Variants in FASTKD1 observed in about 807,000 individuals in gnomAD.
FASTKD1 encodes FAST kinase domains 1.
FASTKD1 carries 94 observed loss-of-function variants against 90.9 expected under a neutral mutation model. The ratio of observed to expected loss-of-function variants is 1.03; its 90% CI spans 0.88 to 1.23. The LOEUF (loss-of-function observed/expected upper bound fraction) is 1.23. FASTKD1 is among the 50% of genes most tolerant of loss of function. The pLI is 0.00. For missense variants in FASTKD1, 945 were observed against 993.5 expected, an observed-to-expected ratio of 0.95 and a Z score of 0.66; for synonymous variants, 319 against 345.8, an observed-to-expected ratio of 0.92 and a Z score of 0.86.
intron 8 of FASTKD1, among the ~76,000 whole-genome samples, chr2:169,545,962 C>T (rs761986037): frequency 8.5e-5 from 13 of 152,068 alleles, no homozygotes; most frequent in Non-Finnish European, 1.6e-4. Context: ...GAGACAGGGT[C>T]TCACTCTGTC....
chr2:169,559,670 G>A (rs1281661811), intron 5 of FASTKD1, among the ~76,000 whole-genome samples: 1 of 152,188 alleles, frequency 6.6e-6, no homozygotes, highest in Non-Finnish European at 1.5e-5. Flanking sequence ...CACCTGCCTC[G>A]GCCTCCCAAA....
chr2:169,557,775 T>C (rs1272721820), intron 5 of FASTKD1, among the ~76,000 whole-genome samples: 2 of 152,164 alleles, frequency 1.3e-5, no homozygotes, highest in African/African-American at 4.8e-5. Flanking sequence ...AAACTGAAAA[T>C]TAACAAAGCT....
chr2:169,561,996 T>A (rs985413740), intron 4 of FASTKD1, among the ~76,000 whole-genome samples: 1 of 121,574 alleles, frequency 8.2e-6, no homozygotes, highest in Non-Finnish European at 1.6e-5. Flanking sequence ...TATTGTAAAT[T>A]AATTATTCAT....
intron 9 of FASTKD1, among the ~76,000 whole-genome samples, chr2:169,544,318 C>A (rs924616716): frequency 1.3e-5 from 2 of 152,056 alleles, no homozygotes; most frequent in Non-Finnish European, 2.9e-5. Context: ...ACCTGTAATC[C>A]CAACACTTTG....
rs143619613 is a variant in FASTKD1 at position 169,568,285 on chromosome 2, C to T, written c.446+899G>A. 3.3e-5 allele frequency among the ~76,000 whole-genome samples: 5 copies of T among 152,118 alleles called. No homozygotes were observed. In the East Asian group the frequency reaches 9.6e-4, roughly 29 times the overall value. On this transcript the variant is annotated intron_variant, in intron 3 of 14. Transcript: ENST00000453153. ...ACTAGGGTCTCTTTTTTTCTCCTTTCCTGGCTCCTGCACTTCTAGGTTTTT... is the reference window on the plus strand; with the variant it reads ...ACTAGGGTCTCTTTTTTTCTCCTTTTCTGGCTCCTGCACTTCTAGGTTTTT...
Position 169,529,293 on chromosome 2 carries a change from G to T in FASTKD1, c.*532C>A, listed in dbSNP as rs1302959319. On this transcript the variant is annotated 3_prime_UTR_variant, in exon 15 of 15. Coordinates refer to ENST00000453153, the MANE Select transcript of FASTKD1 (RefSeq NM_024622.6). ...AGGACAAAAACTTAGAATTATCCTT[G>T]ACTCCTATTTGTCTCATACCTCATA... Among the ~76,000 whole-genome samples, 1 of 151,170 alleles carries T rather than the reference G, an allele frequency of 6.6e-6. No individual in the cohort carries two copies. The highest frequency in any genetic ancestry group is 2.4e-5 in the African/African-American group (1 of 41,046).
rs1046547873 is a variant in FASTKD1 at position 169,555,175 on chromosome 2, A to G, written c.1163T>C (p.Leu388Pro). Reference protein sequence around the residue: ...LLKITQELTFLHFQRKEFFAK... With the variant: ...LLKITQELTFPHFQRKEFFAK... Reference sequence around the variant, plus strand: ...AAAAAACTCCTTCCTTTGGAAATGCAGAAAAGTTAATTCTTGAGTTATCTT... The same window carrying G: ...AAAAAACTCCTTCCTTTGGAAATGCGGAAAAGTTAATTCTTGAGTTATCTT... Residue 388 changes from leucine to proline, a missense_variant, in exon 7 of 15, where the codon CTG becomes CCG. Coordinates refer to ENST00000453153, the MANE Select transcript of FASTKD1 (RefSeq NM_024622.6). The G allele has an allele frequency of 2.5e-6, 4 of 1,612,900 alleles. No individual in the cohort carries two copies. Among genetic ancestry groups the G allele is most frequent in the Non-Finnish European group, 3.4e-6 (4 of 1,179,472 alleles).
At chr2:169,559,182 T>G (rs947703320) in intron 5 of FASTKD1, among the ~76,000 whole-genome samples, 5 of 151,196 alleles carry the variant, frequency 3.3e-5, no homozygotes, top group African/African-American at 4.9e-5. Context: ...CATGTTGGTC[T>G]GGGTGGTCTT....
intron 10 of FASTKD1, 128 bp from the exon 11 acceptor site, chr2:169,538,269 C>T (rs1684812635): frequency 1.3e-6 from 1 of 757,576 alleles, no homozygotes. Context: ...GAACTGTTTA[C>T]ATTTCTAATT....
At chr2:169,534,523 G>A (rs1474480238) in intron 12 of FASTKD1, among the ~76,000 whole-genome samples, 6 of 141,260 alleles carry the variant, frequency 4.2e-5, no homozygotes, top group South Asian at 2.3e-4. Context: ...GCAGTGGCAC[G>A]ATCCCGGCTC....
At chr2:169,569,143 A>G in intron 3 of FASTKD1, 41 bp downstream of exon 3, 1 of 1,549,472 alleles carries the variant, frequency 6.5e-7, no homozygotes. Flanking sequence ...TAACCCTGAA[A>G]AGAATAACCC....
intron 2 of FASTKD1, among the ~76,000 whole-genome samples, chr2:169,569,506 T>C (rs1333376881): frequency 6.6e-6 from 1 of 152,208 alleles, no homozygotes; most frequent in Non-Finnish European, 1.5e-5. Context: ...AATGATAATG[T>C]TCAACAATAT....
chr2:169,565,875 A>G (rs1489652554), intron 3 of FASTKD1, among the ~76,000 whole-genome samples: 1 of 152,142 alleles, frequency 6.6e-6, no homozygotes, highest in East Asian at 1.9e-4. Flanking sequence ...TTTGGATATA[A>G]GCCATTTTAA....
At position 169,560,672 on chromosome 2, in the gene FASTKD1, T is replaced by A. The variant is rs371151192; in HGVS notation, c.686A>T (p.Asn229Ile). The change falls in exon 5 of 15, where the codon AAC becomes ATC. Residue 229 changes from asparagine (N) to isoleucine (I), a missense_variant. By Grantham distance (149) the Asn-to-Ile change is moderately radical (BLOSUM62 -3). Transcript: ENST00000453153. ...LFDTIDSSEVNVAKSIAKFLR... is the reference protein window; with the variant it reads ...LFDTIDSSEVIVAKSIAKFLR... Reference sequence around the variant, plus strand: ...AAACTTTGCTATGCTTTTTGCAACGTTGACCTCAGAAGAATCTATGGTGTC... The same window carrying A: ...AAACTTTGCTATGCTTTTTGCAACGATGACCTCAGAAGAATCTATGGTGTC... 1 of 1,613,218 alleles carries A rather than the reference T, an allele frequency of 6.2e-7. No homozygotes were observed. Among genetic ancestry groups the A allele is most frequent in the Non-Finnish European group, 8.5e-7 (1 of 1,179,772 alleles).
intron 7 of FASTKD1, among the ~76,000 whole-genome samples, chr2:169,547,075 T>G (rs1429204519): frequency 6.6e-6 from 1 of 152,226 alleles, no homozygotes; most frequent in Non-Finnish European, 1.5e-5. Context: ...AGCAACCGGC[T>G]TCAAGTTGGG....
chr2:169,531,591 A>G, intron 12 of FASTKD1, 101 bp from the exon 13 acceptor site: 1 of 864,108 alleles, frequency 1.2e-6, no homozygotes. Flanking sequence ...ATTTGTACAC[A>G]CACACACTCA....
chr2:169,573,354 T>A (rs1437434589), intron 1 of FASTKD1: 2 of 152,202 alleles, frequency 1.3e-5, no homozygotes, highest in Non-Finnish European at 2.9e-5. Context: ...CTGCTCAAAG[T>A]GGAGGCAGCT....
At chr2:169,540,308 T>A in intron 9 of FASTKD1, 129 bp from the exon 10 acceptor site, 1 of 922,004 alleles carries the variant, frequency 1.1e-6, no homozygotes, top group Non-Finnish European at 1.5e-6. Context: ...TCTACACTGT[T>A]ACAAGACAGG....
At chr2:169,556,309 G>A (rs1683305373) in intron 6 of FASTKD1, among the ~76,000 whole-genome samples, 1 of 151,810 alleles carries the variant, frequency 6.6e-6, no homozygotes, top group Non-Finnish European at 1.5e-5. Context: ...GGCGACACGT[G>A]CCTGTAGTCC....
Sources: allele counts gnomAD v4.1 joint callset (sites outside exome capture counted in the v4.1 genomes callset), GRCh38; gene constraint gnomAD v4.1.1; transcripts MANE v1.5; gene names NCBI Gene and HGNC (gene_info 2026-07-23, HGNC 2026-07-21).